Variants in RARB observed in about 807,000 individuals in gnomAD.
The protein encoded by RARB is retinoic acid receptor beta.
Under a neutral mutation model 51.9 loss-of-function variants are expected in RARB, and 17 were observed. That is an observed-to-expected ratio of 0.33 (90% confidence interval 0.22 to 0.49). RARB has a LOEUF of 0.49. Ranked by LOEUF, RARB falls within the 20% of genes least tolerant of loss-of-function variation. RARB has a pLI of 0.99. For synonymous variants in RARB, 215 were observed against 195.4 expected, an observed-to-expected ratio of 1.10 and a Z score of -0.84; for missense variants, 369 against 550.8, an observed-to-expected ratio of 0.67 and a Z score of 3.30.
At chr3:24,878,621 ATCCTTGGCC>A (rs1245326750) in intron 2 of RARB, among the ~76,000 whole-genome samples, 4 of 152,140 alleles carry the variant, frequency 2.6e-5, no homozygotes, top group Admixed American at 2.6e-4. Context: ...TTTTAGCAGC[ATCCTTGGCC>A]TCTACCCACT....
chr3:25,268,064 T>C (rs1703165534), intron 5 of RARB, among the ~76,000 whole-genome samples: 1 of 152,170 alleles, frequency 6.6e-6, no homozygotes, highest in South Asian at 2.1e-4. Flanking sequence ...TAGTAGAGAT[T>C]TGTAAATAAA....
intron 2 of RARB, among the ~76,000 whole-genome samples, chr3:24,935,283 C>G (rs1330689478): frequency 6.6e-6 from 1 of 152,084 alleles, no homozygotes; most frequent in African/African-American, 2.4e-5. Context: ...CCACTGAGCT[C>G]AAGTAGTTAA....
Position 24,958,467 on chromosome 3 carries a change from C to A in RARB, c.-380+99715C>A, listed in dbSNP as rs1039667570. Among the ~76,000 whole-genome samples, 10 of 152,100 alleles carry A rather than the reference C, an allele frequency of 6.6e-5. No homozygotes were observed. In the East Asian group the frequency reaches 1.5e-3, roughly 23 times the overall value. ...AGGCAATTTAATTAAAACAAAAAAA[C>A]AGAGCCATTAAAATTCTCTCACACC... On this transcript the variant is annotated intron_variant, in intron 2 of 11. Coordinates refer to the RARB transcript ENST00000383772.
chr3:25,443,546 G>A (rs1708795237), intron 1 of RARB, among the ~76,000 whole-genome samples: 2 of 151,810 alleles, frequency 1.3e-5, no homozygotes, highest in South Asian at 4.2e-4. Context: ...CCGGGAGGCG[G>A]AGGTTGCAGT....
chr3:24,896,421 G>A (rs771878963), intron 2 of RARB, among the ~76,000 whole-genome samples: 9 of 151,992 alleles, frequency 5.9e-5, no homozygotes, highest in African/African-American at 9.7e-5. Flanking sequence ...CACCACGTCC[G>A]GCTAATTTTT....
intron 5 of RARB, among the ~76,000 whole-genome samples, chr3:25,262,129 C>T (rs985399437): frequency 5.3e-5 from 8 of 152,146 alleles, no homozygotes; most frequent in Admixed American, 3.3e-4. Flanking sequence ...CCTGTCTATG[C>T]AGTCTCATTT....
chr3:25,195,239 C>G (rs1451863909), intron 5 of RARB, among the ~76,000 whole-genome samples: 2 of 151,852 alleles, frequency 1.3e-5, no homozygotes, highest in South Asian at 2.1e-4. Flanking sequence ...TTCTTGGGAG[C>G]CTACCAATTC....
chr3:25,428,200 GC>G (rs759867874), upstream of RARB: 68 of 1,218,182 alleles, frequency 5.6e-5, no homozygotes, highest in Non-Finnish European at 5.4e-5. Context: ...AAGGTTAGCA[GC>G]CCGGGTAGGG....
chr3:25,262,481 C>T (rs1703024566), intron 5 of RARB, among the ~76,000 whole-genome samples: 1 of 152,234 alleles, frequency 6.6e-6, no homozygotes, highest in African/African-American at 2.4e-5. Context: ...GTCAAAGCAT[C>T]AGCAGGGCTC....
intron 2 of RARB, among the ~76,000 whole-genome samples, chr3:24,880,904 T>C (rs929389991): frequency 1.3e-5 from 2 of 152,240 alleles, no homozygotes; most frequent in Admixed American, 6.5e-5. Flanking sequence ...AATAAAGATT[T>C]ATAGACTTAA....
intron 2 of RARB, among the ~76,000 whole-genome samples, chr3:25,048,450 TGTC>T (rs1265808375): frequency 1.3e-5 from 2 of 152,140 alleles, no homozygotes; most frequent in Non-Finnish European, 2.9e-5. Context: ...TGCAAAATGT[TGTC>T]CTGTTTTGAA....
chr3:25,434,529 CTTTTTTTTT>C (rs140015265), intron 1 of RARB, among the ~76,000 whole-genome samples: 1 of 123,034 alleles, frequency 8.1e-6, no homozygotes, highest in Non-Finnish European at 1.6e-5. Flanking sequence ...CTTGGTACTC[CTTTTTTTTT>C]TTTTTTTCTT....
intron 2 of RARB, among the ~76,000 whole-genome samples, chr3:24,894,351 T>G (rs960240663): frequency 6.7e-6 from 1 of 149,828 alleles, no homozygotes; most frequent in Non-Finnish European, 1.5e-5. Flanking sequence ...CACTTACAAG[T>G]GAGAACATGC....
At chr3:24,956,941 G>A (rs1696029291) in intron 2 of RARB, among the ~76,000 whole-genome samples, 2 of 152,320 alleles carry the variant, frequency 1.3e-5, no homozygotes, top group African/African-American at 4.8e-5. Flanking sequence ...ACAGTTATGG[G>A]CCAATCCCTC....
At chr3:25,159,154 C>CTTTTTT (rs397874262) in intron 4 of RARB, among the ~76,000 whole-genome samples, 4 of 65,304 alleles carry the variant, frequency 6.1e-5, no homozygotes, top group Non-Finnish European at 8.3e-5. Context: ...TCCAAATTGT[C>CTTTTTT]TTTTTTTTTT....
intron 7 of RARB, 45 bp from the exon 8 acceptor site, chr3:25,596,375 T>C (rs1405756320): frequency 6.7e-7 from 1 of 1,496,196 alleles, no homozygotes. Flanking sequence ...CTGTCATAGC[T>C]TAACTCCTTA....
chr3:25,381,764 C>G (rs1352232532), intron 5 of RARB, among the ~76,000 whole-genome samples: 2 of 152,196 alleles, frequency 1.3e-5, no homozygotes, highest in Non-Finnish European at 2.9e-5. Context: ...TTCTCAGGCC[C>G]TATCTCTGCC....
chr3:25,392,469 A>G (rs1706992859), intron 5 of RARB, among the ~76,000 whole-genome samples: 1 of 151,990 alleles, frequency 6.6e-6, no homozygotes, highest in South Asian at 2.1e-4. Context: ...GAATTTATAG[A>G]TTGCTTTTGG....
At chr3:25,144,654 C>T (rs1700159554) in intron 4 of RARB, among the ~76,000 whole-genome samples, 1 of 152,160 alleles carries the variant, frequency 6.6e-6, no homozygotes, top group Non-Finnish European at 1.5e-5. Context: ...TTGATGTTAA[C>T]ATTAGGTAGA....
Sources: gnomAD v4.1 joint callset for allele counts (sites outside exome capture counted in the v4.1 genomes callset) on GRCh38, gnomAD v4.1.1 for gene constraint, MANE v1.5 for transcripts, NCBI Gene and HGNC (gene_info 2026-07-23, HGNC 2026-07-21) for gene names.